FRAS1: variants seen among roughly 807,000 people sequenced by gnomAD.
The protein encoded by FRAS1 is extracellular matrix organizing protein FRAS1.
A neutral mutation model predicts 435.2 loss-of-function variants in FRAS1; 290 were observed. That is an observed-to-expected ratio of 0.67 (90% confidence interval 0.61 to 0.73). FRAS1 has a LOEUF of 0.73. FRAS1 is among the 30% of genes least tolerant of loss of function. The probability of loss-of-function intolerance (pLI) is 0.00; values close to 1 mark genes in which losing one functional copy is unlikely to be tolerated. For synonymous variants in FRAS1, 1,800 were observed against 1,851.0 expected, an observed-to-expected ratio of 0.97 and a Z score of 0.71; for missense variants, 4,860 against 5,001.5, an observed-to-expected ratio of 0.97 and a Z score of 0.85.
At chr4:78,374,273 A>T in intron 25 of FRAS1, 22 bp downstream of exon 25, 2 of 1,552,664 alleles carry the variant, frequency 1.3e-6, no homozygotes, top group Non-Finnish European at 1.8e-6. Context: ...ACTGCTGATT[A>T]TTCTGGAAAG....
At position 78,255,251 on chromosome 4, in the gene FRAS1, C is replaced by G. The variant is rs765229421; in HGVS notation, c.479C>G (p.Ser160Cys). The change falls in exon 6 of 74, where the codon TCC (serine) becomes TGC (cysteine). Residue 160 changes from serine to cysteine, a missense_variant. Transcript: ENST00000512123. ...PVCVGLGKPC[S>C]YEGHVFQDGE... ...TTCTTTGACCTTCCAGAACCCTGTT[C>G]CTATGAAGGCCATGTGTTTCAGGAT... 7.7e-6 allele frequency: 12 copies of G among 1,552,040 alleles called. No homozygotes were observed. Among genetic ancestry groups the G allele is most frequent in the South Asian group, 3.6e-5 (3 of 84,076 alleles).
At chr4:78,275,570 A>G (rs1726967407) in intron 9 of FRAS1, among the ~76,000 whole-genome samples, 1 of 152,148 alleles carries the variant, frequency 6.6e-6, no homozygotes, top group South Asian at 2.1e-4. Context: ...TCCTTAACTT[A>G]CGAAGCTTAG....
At chr4:78,289,910 C>T (rs1172784444) in intron 14 of FRAS1, among the ~76,000 whole-genome samples, 1 of 152,140 alleles carries the variant, frequency 6.6e-6, no homozygotes, top group African/African-American at 2.4e-5. Context: ...TTACTCTGTT[C>T]CCTCACCAGA....
intron 14 of FRAS1, among the ~76,000 whole-genome samples, chr4:78,299,380 G>A (rs1348856951): frequency 6.6e-6 from 1 of 152,126 alleles, no homozygotes. Flanking sequence ...AGAAGGAGGG[G>A]GACCCCAGAC....
chr4:78,248,322 T>G (rs1725352492), intron 4 of FRAS1, among the ~76,000 whole-genome samples: 1 of 152,212 alleles, frequency 6.6e-6, no homozygotes, highest in African/African-American at 2.4e-5. Flanking sequence ...TTTAGAGTTG[T>G]TTGAATACTT....
At chr4:78,421,048 G>A (rs1733770920) in intron 33 of FRAS1, among the ~76,000 whole-genome samples, 1 of 151,738 alleles carries the variant, frequency 6.6e-6, no homozygotes, top group Non-Finnish European at 1.5e-5. Flanking sequence ...GGAGTCCGAT[G>A]TTCAAGGGCA....
At chr4:78,313,306 C>G (rs190185607) in intron 15 of FRAS1, among the ~76,000 whole-genome samples, 209 of 152,308 alleles carry the variant, frequency 1.4e-3, no homozygotes, top group African/African-American at 4.7e-3. Flanking sequence ...TTCTCTTACT[C>G]TACACATTTG....
At chr4:78,172,587 T>C (rs2110039079) in intron 2 of FRAS1, among the ~76,000 whole-genome samples, 1 of 152,252 alleles carries the variant, frequency 6.6e-6, no homozygotes. Context: ...AATATAACAA[T>C]GTCAGGATCC....
In FRAS1 at chr4:78,407,602, A is replaced by T. The variant is rs1733149630; in HGVS notation, c.4130-61A>T. Reference sequence around the variant, plus strand: ...AAAAAAAAATGAGTAGTAGGAAAGGAGGTAAGGGCTCTGACTTTTCCTAGG... The same window carrying T: ...AAAAAAAAATGAGTAGTAGGAAAGGTGGTAAGGGCTCTGACTTTTCCTAGG... On this transcript the variant is annotated intron_variant, in intron 30 of 73. Transcript: ENST00000512123. The T allele has an allele frequency of 2.2e-6, 3 of 1,343,946 alleles. No individual in the cohort carries two copies. In the African/African-American group the frequency reaches 4.4e-5, roughly 20 times the overall value. The allele number at this position is 1,343,946 out of a possible 1,614,324, so 83.3% of individuals were successfully genotyped here.
chr4:78,237,563 T>C lies in FRAS1; in HGVS notation c.162T>C (p.Asp54=). The change falls in exon 3 of 74, where the codon GAT becomes GAC. Residue 54 remains aspartate, a synonymous_variant. Transcript: ENST00000512123. The part of the protein sequence containing the change: ...DSCQSCRCHG[D]IVICKPAVCR... Reference sequence around the variant, plus strand: ...GCCAGAGCTGCCGTTGCCATGGTGATATTGTTATCTGCAAACCTGCTGTTT... The same window carrying C: ...GCCAGAGCTGCCGTTGCCATGGTGACATTGTTATCTGCAAACCTGCTGTTT... 2 of 1,613,406 alleles carry C rather than the reference T, an allele frequency of 1.2e-6. No homozygotes were observed. The highest frequency in any genetic ancestry group is 1.7e-6 in the Non-Finnish European group (2 of 1,179,550).
intron 16 of FRAS1, 120 bp from the exon 17 acceptor site, chr4:78,317,248 C>T (rs1729302816): frequency 8.8e-7 from 1 of 1,132,582 alleles, no homozygotes; most frequent in Non-Finnish European, 1.3e-6. Flanking sequence ...ACATTTTCCC[C>T]TTGGTTTGGT....
chr4:78,059,806 G>T (rs1023001012), intron 1 of FRAS1, among the ~76,000 whole-genome samples: 2 of 145,048 alleles, frequency 1.4e-5, no homozygotes, highest in African/African-American at 5.1e-5. Context: ...TGATCCAGTG[G>T]GCCAAGTTTA....
chr4:78,111,747 T>G (rs1405646370), intron 2 of FRAS1, among the ~76,000 whole-genome samples: 2 of 94,128 alleles, frequency 2.1e-5, no homozygotes, highest in Admixed American at 1.2e-4. Flanking sequence ...AAACTTAGAG[T>G]ATAATAAAAA....
At chr4:78,438,230 T>C (rs975915140) in intron 38 of FRAS1, among the ~76,000 whole-genome samples, 2 of 152,200 alleles carry the variant, frequency 1.3e-5, no homozygotes, top group Admixed American at 6.5e-5. Flanking sequence ...TGATCAAGTT[T>C]TATTTTTACT....
chr4:78,138,349 G>T (rs1720015390), intron 2 of FRAS1, among the ~76,000 whole-genome samples: 1 of 152,188 alleles, frequency 6.6e-6, no homozygotes, highest in South Asian at 2.1e-4. Flanking sequence ...GAACTCAGTT[G>T]TTTCTGGAGG....
intron 2 of FRAS1, among the ~76,000 whole-genome samples, chr4:78,214,666 A>G (rs1578188856): frequency 6.6e-6 from 1 of 152,356 alleles, no homozygotes; most frequent in East Asian, 1.9e-4. Flanking sequence ...CCTCAAGCCA[A>G]TAGGTTGCTT....
rs371921170 is a variant in FRAS1, at chr4:78,475,679, T to C, written c.7851+73T>C. 10 of 1,388,798 alleles carry C rather than the reference T, an allele frequency of 7.2e-6. No homozygotes were observed. The South Asian group carries it at 1.3e-4, about 19-fold the overall frequency. 86.0% of individuals were successfully genotyped at this position (1,388,798 alleles called of 1,614,324 possible). ...ATGGCTGCAAGCAATTGTGGCACTT[T>C]CCTACTTCTTCCCAACTTTGCTTTT... On this transcript the variant is annotated intron_variant, in intron 54 of 73. Coordinates refer to ENST00000512123, the MANE Select transcript of FRAS1 (RefSeq NM_025074.7).
chr4:78,235,569 A>G (rs973810252), intron 2 of FRAS1, among the ~76,000 whole-genome samples: 3 of 152,214 alleles, frequency 2.0e-5, no homozygotes, highest in Admixed American at 6.5e-5. Context: ...CTAAGGATCT[A>G]TAGTGTGCCA....
At chr4:78,146,815 T>A (rs1720440103) in intron 2 of FRAS1, among the ~76,000 whole-genome samples, 2 of 152,194 alleles carry the variant, frequency 1.3e-5, no homozygotes. Flanking sequence ...ACATTGTACA[T>A]TATAATTTCA....
Sources: gnomAD v4.1 joint callset for allele counts (sites outside exome capture counted in the v4.1 genomes callset) on GRCh38, gnomAD v4.1.1 for gene constraint, MANE v1.5 for transcripts, NCBI Gene and HGNC (gene_info 2026-07-23, HGNC 2026-07-21) for gene names.